CAMK1D: variants seen among roughly 807,000 people sequenced by gnomAD.
The protein encoded by CAMK1D is calcium/calmodulin dependent protein kinase ID.
Under a neutral mutation model 47.7 loss-of-function variants are expected in CAMK1D, and 9 were observed. That is an observed-to-expected ratio of 0.19 (90% confidence interval 0.11 to 0.33). The LOEUF (loss-of-function observed/expected upper bound fraction) is 0.33. Among genes scored for constraint, CAMK1D ranks in the 10% least tolerant of loss-of-function variants. CAMK1D has a pLI of 1.00. For missense variants in CAMK1D, 291 were observed against 488.7 expected, an observed-to-expected ratio of 0.60 and a Z score of 3.81; for synonymous variants, 184 against 184.9, an observed-to-expected ratio of 0.99 and a Z score of 0.04.
At chr10:12,356,555 T>A (rs1430956150) in intron 1 of CAMK1D, among the ~76,000 whole-genome samples, 5 of 151,988 alleles carry the variant, frequency 3.3e-5, no homozygotes. Flanking sequence ...ACCTCGTCTC[T>A]ACTAAAAATA....
At chr10:12,442,405 C>T (rs112974592) in intron 1 of CAMK1D, among the ~76,000 whole-genome samples, 1 of 151,984 alleles carries the variant, frequency 6.6e-6, no homozygotes, top group Admixed American at 6.6e-5. Flanking sequence ...GGCGTGAACC[C>T]GGGAGGCAGA....
chr10:12,606,500 C>T (rs1408576485), intron 2 of CAMK1D, among the ~76,000 whole-genome samples: 1 of 152,234 alleles, frequency 6.6e-6, no homozygotes, highest in Non-Finnish European at 1.5e-5. Context: ...CTGGGCAGGG[C>T]TCAGAATGGA....
chr10:12,396,062 C>T (rs1166177709), intron 1 of CAMK1D, among the ~76,000 whole-genome samples: 2 of 152,002 alleles, frequency 1.3e-5, no homozygotes, highest in African/African-American at 4.8e-5. Flanking sequence ...TTAGTAGAGA[C>T]AGGGTTTCAT....
rs1457006366 is a variant in CAMK1D at position 12,831,513 on chromosome 10, G to C, written c.*2626G>C. The stretch of plus-strand genomic sequence containing the variant: ...GAAGTATTTTCAGGAGCAGATACAT[G>C]TGGTGCATGTTATATGCACTTAGTT... On this transcript the variant is annotated 3_prime_UTR_variant, in exon 11 of 11. Coordinates refer to ENST00000619168, the MANE Select transcript of CAMK1D (RefSeq NM_153498.4). 6.6e-6 allele frequency: 1 copy of C among 152,196 alleles called. No homozygotes were observed. Among genetic ancestry groups the C allele is most frequent in the Non-Finnish European group, 1.5e-5 (1 of 68,038 alleles). 9.4% of individuals were successfully genotyped at this position (152,196 alleles called of 1,614,324 possible).
Position 12,409,486 on chromosome 10 carries a change from G to A in CAMK1D, c.92+59576G>A, listed in dbSNP as rs189803367. 9.7e-4 allele frequency among the ~76,000 whole-genome samples: 148 copies of A among 152,278 alleles called. 1 individual carries two copies. The highest frequency in any genetic ancestry group is 3.4e-3 in the African/African-American group (143 of 41,566). ...CTTTTTAGTGGCGGGCTCTTGCTAC[G>A]TGGCCCAGGCTGCTCTTGAACTCCT... On this transcript the variant is annotated intron_variant, in intron 1 of 10. Coordinates refer to ENST00000619168, the MANE Select transcript of CAMK1D (RefSeq NM_153498.4).
intron 1 of CAMK1D, among the ~76,000 whole-genome samples, chr10:12,528,603 GC>G (rs1392848217): frequency 6.6e-6 from 1 of 152,078 alleles, no homozygotes; most frequent in Non-Finnish European, 1.5e-5. Context: ...CGGGGTCTAA[GC>G]CCACCTCCTG....
chr10:12,620,061 G>A lies in CAMK1D; in HGVS notation c.225-46675G>A, dbSNP rs113412510. 6.0e-4 allele frequency among the ~76,000 whole-genome samples: 92 copies of A among 152,182 alleles called. 1 individual carries two copies. Among genetic ancestry groups the A allele is most frequent in the African/African-American group, 1.8e-3 (76 of 41,526 alleles). ...AACTGAGAAGTATTTCACAGTTTGAGTGTACCACTTTGTTTAACCATTCAC... is the reference window on the plus strand; with the variant it reads ...AACTGAGAAGTATTTCACAGTTTGAATGTACCACTTTGTTTAACCATTCAC... On this transcript the variant is annotated intron_variant, in intron 2 of 10. Coordinates refer to ENST00000619168, the MANE Select transcript of CAMK1D (RefSeq NM_153498.4).
chr10:12,749,525 A>ATTTTTGTTTGTT lies in CAMK1D; in HGVS notation c.300-11422_300-11421insTTTTGTTTGTTT, dbSNP rs796868251. 7.8e-3 allele frequency among the ~76,000 whole-genome samples: 1,054 copies of ATTTTTGTTTGTT among 135,914 alleles called. 33 individuals are homozygous for ATTTTTGTTTGTT. The highest frequency in any genetic ancestry group is 0.028 in the African/African-American group (1,000 of 35,608). The allele number at this position is 135,914 out of a possible 152,430, so 89.2% of individuals were successfully genotyped here. On this transcript the variant is annotated intron_variant, in intron 3 of 10. Coordinates refer to ENST00000619168, the MANE Select transcript of CAMK1D (RefSeq NM_153498.4). ...GGACTGGAACACATAGAAAGTGTGG[A>ATTTTTGTTTGTT]TGTTTGTTTGTTTGTTTGTTTGTTT...
At chr10:12,548,837 C>T (rs1352652790) in intron 1 of CAMK1D, among the ~76,000 whole-genome samples, 2 of 151,954 alleles carry the variant, frequency 1.3e-5, no homozygotes, top group Non-Finnish European at 2.9e-5. Context: ...CCATCAACCC[C>T]ATGCATCTCC....
intron 1 of CAMK1D, among the ~76,000 whole-genome samples, chr10:12,479,162 T>A (rs1299666275): frequency 1.3e-5 from 2 of 152,038 alleles, no homozygotes; most frequent in African/African-American, 4.8e-5. Context: ...AGCCAGTGGG[T>A]CCCCAGTGAC....
At chr10:12,799,326 T>C (rs1357496415) in intron 6 of CAMK1D, among the ~76,000 whole-genome samples, 1 of 151,360 alleles carries the variant, frequency 6.6e-6, no homozygotes. Flanking sequence ...GCCAATGGGG[T>C]GGAGGGAGCA....
chr10:12,763,988 G>T (rs962382860), intron 4 of CAMK1D, among the ~76,000 whole-genome samples: 1 of 152,090 alleles, frequency 6.6e-6, no homozygotes, highest in Non-Finnish European at 1.5e-5. Context: ...CGGGGATGGG[G>T]CCTCCCACCC....
chr10:12,653,674 A>G (rs1158109388), intron 2 of CAMK1D, among the ~76,000 whole-genome samples: 1 of 152,288 alleles, frequency 6.6e-6, no homozygotes, highest in Non-Finnish European at 1.5e-5. Context: ...TAAGTCTGAC[A>G]GTGAACTGAA....
chr10:12,514,277 A>G (rs1835124467), intron 1 of CAMK1D, among the ~76,000 whole-genome samples: 2 of 152,170 alleles, frequency 1.3e-5, no homozygotes, highest in South Asian at 2.1e-4. Flanking sequence ...ACACACATAT[A>G]TTGCTTATAA....
intron 1 of CAMK1D, among the ~76,000 whole-genome samples, chr10:12,538,552 A>G (rs1388714263): frequency 1.3e-5 from 2 of 152,144 alleles, no homozygotes; most frequent in Non-Finnish European, 2.9e-5. Context: ...TTTTGTGTGT[A>G]TGGTTTAGAT....
chr10:12,723,162 G>T (rs75207729), intron 3 of CAMK1D, among the ~76,000 whole-genome samples: 1 of 152,176 alleles, frequency 6.6e-6, no homozygotes, highest in Non-Finnish European at 1.5e-5. Context: ...CAATCTCATT[G>T]AGTCACACTT....
chr10:12,748,467 G>A (rs1366505267), intron 3 of CAMK1D, among the ~76,000 whole-genome samples: 1 of 152,144 alleles, frequency 6.6e-6, no homozygotes, highest in Non-Finnish European at 1.5e-5. Flanking sequence ...TTTTCCTTTA[G>A]AACCATTGAA....
In CAMK1D at chr10:12,594,383, G is replaced by A. The variant is rs534030456; in HGVS notation, c.224+41027G>A. 9.8e-5 allele frequency among the ~76,000 whole-genome samples: 15 copies of A among 152,324 alleles called. No homozygotes were observed. The South Asian group carries it at 2.7e-3, about 27-fold the overall frequency. ...TTGTTCAACCACGTTTAAGCCTATA[G>A]GTGTGATCCTTGTTTTTATAGGCAG... On this transcript the variant is annotated intron_variant, in intron 2 of 10. Transcript: ENST00000619168.
At chr10:12,474,290 C>T (rs995421134) in intron 1 of CAMK1D, among the ~76,000 whole-genome samples, 1 of 151,480 alleles carries the variant, frequency 6.6e-6, no homozygotes, top group Non-Finnish European at 1.5e-5. Context: ...GCTCCGCCTC[C>T]TGGGTTCACA....
Sources: allele counts gnomAD v4.1 joint callset (sites outside exome capture counted in the v4.1 genomes callset), GRCh38; gene constraint gnomAD v4.1.1; transcripts MANE v1.5; gene names NCBI Gene and HGNC (gene_info 2026-07-23, HGNC 2026-07-21).